Variants in FAM186A observed in about 807,000 individuals in gnomAD.
FAM186A encodes the protein protein FAM186A.
A neutral mutation model predicts 216.8 loss-of-function variants in FAM186A; 163 were observed. That is an observed-to-expected ratio of 0.75 (90% CI 0.66 to 0.86). The LOEUF (loss-of-function observed/expected upper bound fraction) is 0.86, where lower values mean the gene tolerates loss of function less well. FAM186A is among the 40% of genes least tolerant of loss of function. The pLI, the probability that FAM186A is intolerant of heterozygous loss-of-function variation, is 0.00. For synonymous variants in FAM186A, 805 were observed against 1,025.3 expected (o/e 0.79, Z 4.10); for missense variants, 2,184 against 2,746.2 (o/e 0.80, Z 4.58).
chr12:50,393,009 C>A (rs1006505727), intron 1 of FAM186A, among the ~76,000 whole-genome samples: 1 of 150,670 alleles, frequency 6.6e-6, no homozygotes, highest in African/African-American at 2.4e-5. Flanking sequence ...TCACTGCAAG[C>A]TCTGCCTCCC....
intron 7 of FAM186A, among the ~76,000 whole-genome samples, chr12:50,328,253 TC>T (rs1182705587): frequency 1.3e-5 from 2 of 152,180 alleles, no homozygotes; most frequent in African/African-American, 2.4e-5. Context: ...GTGCCTGTAA[TC>T]CCAGCTACTT....
chr12:50,383,320 T>C (rs957344791), intron 1 of FAM186A, among the ~76,000 whole-genome samples: 17 of 123,488 alleles, frequency 1.4e-4, no homozygotes, highest in South Asian at 3.0e-4. Flanking sequence ...CTGGAAGCGG[T>C]GGCTCACGCC....
At chr12:50,330,811 C>A in intron 6 of FAM186A, 53 bp from the exon 7 acceptor site, 2 of 1,426,714 alleles carry the variant, frequency 1.4e-6, no homozygotes, top group Non-Finnish European at 1.9e-6. Context: ...CTCCATAGCC[C>A]ATCAAAATAT....
chr12:50,385,383 A>C, intron 1 of FAM186A, among the ~76,000 whole-genome samples: 1 of 145,802 alleles, frequency 6.9e-6, no homozygotes, highest in African/African-American at 2.5e-5. Context: ...ACGCCATAGC[A>C]CTCCAGCCTG....
intron 4 of FAM186A, among the ~76,000 whole-genome samples, chr12:50,340,927 G>A (rs1942757118): frequency 6.6e-6 from 1 of 151,694 alleles, no homozygotes; most frequent in Admixed American, 6.6e-5. Flanking sequence ...CTCCCAAGTA[G>A]CCAGCATTAC....
chr12:50,355,305 A>AAAGG lies in FAM186A; in HGVS notation c.1523_1526dup (p.Ser510LeufsTer3), dbSNP rs1286260723. On this transcript the variant is annotated frameshift_variant, in exon 4 of 8. Coordinates refer to ENST00000327337, the MANE Select transcript of FAM186A (RefSeq NM_001145475.3). LOFTEE classifies it high-confidence loss of function. ...TGGGTGACTTTGATTTATCTTCAGA[A>AAAGG]AAGGATTTCATTTCTTTTCTTTTCT... 6.4e-7 allele frequency: 1 copy of AAAGG among 1,550,694 alleles called. No individual in the cohort carries two copies. Among genetic ancestry groups the AAAGG allele is most frequent in the Non-Finnish European group, 8.7e-7 (1 of 1,146,846 alleles).
intron 1 of FAM186A, 23 bp from the exon 2 acceptor site, chr12:50,363,387 T>A (rs1943056295): frequency 6.6e-7 from 1 of 1,517,148 alleles, no homozygotes; most frequent in African/African-American, 1.4e-5. Flanking sequence ...GAAGGGGGCA[T>A]GTATTAATCT....
chr12:50,383,335 ACCTGTAATC>A (rs1320094383), intron 1 of FAM186A, among the ~76,000 whole-genome samples: 1 of 145,558 alleles, frequency 6.9e-6, no homozygotes, highest in African/African-American at 2.5e-5. Context: ...CACGCCTATA[ACCTGTAATC>A]CCAGCACTTT....
chr12:50,339,894 G>A (rs1242523335), intron 4 of FAM186A, among the ~76,000 whole-genome samples: 2 of 151,986 alleles, frequency 1.3e-5, no homozygotes, highest in African/African-American at 2.4e-5. Context: ...CTGGAGTGCA[G>A]TGGCGCAATC....
At chr12:50,337,283 A>T (rs1380291601) in intron 4 of FAM186A, among the ~76,000 whole-genome samples, 3 of 137,554 alleles carry the variant, frequency 2.2e-5, no homozygotes, top group Non-Finnish European at 3.1e-5. Context: ...AGTTTTAGAG[A>T]TAATTCTTTT....
chr12:50,350,148 A>G (rs950369833), intron 4 of FAM186A, among the ~76,000 whole-genome samples, 181 bp downstream of exon 4: 1 of 152,078 alleles, frequency 6.6e-6, no homozygotes, highest in Non-Finnish European at 1.5e-5. Flanking sequence ...GTCATTTCTT[A>G]TTTTCCAAAA....
rs1942945284 is a variant in FAM186A, at chr12:50,354,143, T to C, written c.2689A>G (p.Thr897Ala). Residue 897 changes from threonine (T) to alanine (A), a missense_variant, in exon 4 of 8, where the codon ACT (threonine) becomes GCT (alanine). Coordinates refer to ENST00000327337, the MANE Select transcript of FAM186A (RefSeq NM_001145475.3). The stretch of plus-strand genomic sequence containing the variant: ...TCCTCTTGCTCAGCCTGCTTTGGAG[T>C]TGCCTGTTTTTGCTCTTCCTTCCAC... ...EMWKEEQKQA[T>A]PKQAEQEEKQ... 2 of 1,551,696 alleles carry C rather than the reference T, an allele frequency of 1.3e-6. No homozygotes were observed. Among genetic ancestry groups the C allele is most frequent in the Admixed American group, 2.0e-5 (1 of 50,980 alleles).
chr12:50,344,797 T>A (rs937966521), intron 4 of FAM186A, among the ~76,000 whole-genome samples: 1 of 151,936 alleles, frequency 6.6e-6, no homozygotes, highest in Admixed American at 6.6e-5. Flanking sequence ...TAAGACCCTA[T>A]CCCTACAAAA....
intron 1 of FAM186A, among the ~76,000 whole-genome samples, chr12:50,379,763 G>C (rs1943237549): frequency 6.6e-6 from 1 of 151,566 alleles, no homozygotes; most frequent in Non-Finnish European, 1.5e-5. Context: ...TCCAGCCTGG[G>C]CAACAAGAGC....
chr12:50,328,492 T>A (rs1268947173), intron 7 of FAM186A, among the ~76,000 whole-genome samples: 1 of 152,030 alleles, frequency 6.6e-6, no homozygotes, highest in Non-Finnish European at 1.5e-5. Context: ...ATGAAACATA[T>A]AGTAGGTTTT....
intron 1 of FAM186A, among the ~76,000 whole-genome samples, chr12:50,392,083 A>G (rs1943361833): frequency 1.3e-5 from 2 of 151,580 alleles, no homozygotes; most frequent in Admixed American, 1.3e-4. Context: ...CTTATATAAA[A>G]TCTAAAATAT....
intron 1 of FAM186A, among the ~76,000 whole-genome samples, chr12:50,376,437 G>A (rs919258442): frequency 1.3e-5 from 2 of 152,184 alleles, no homozygotes; most frequent in African/African-American, 4.8e-5. Context: ...AAGGGTAGAG[G>A]AGACTTGAAG....
rs71083539 is a variant in FAM186A, at chr12:50,347,678, C to CA, written c.6503+2650dup. Among the ~76,000 whole-genome samples, 294 of 145,326 alleles carry CA rather than the reference C, an allele frequency of 2.0e-3. 2 individuals carry two copies. Among genetic ancestry groups the CA allele is most frequent in the African/African-American group, 6.1e-3 (240 of 39,350 alleles). On this transcript the variant is annotated intron_variant, in intron 4 of 7. Transcript: ENST00000327337. Reference sequence around the variant, plus strand: ...GAGGCAAAAGAGGGAGACTCCATCTCAAAAAAAAAAAAAATTCCCCGAAAT... The same window carrying CA: ...GAGGCAAAAGAGGGAGACTCCATCTCAAAAAAAAAAAAAAATTCCCCGAAAT...
At chr12:50,380,442 G>A (rs1472634434) in intron 1 of FAM186A, among the ~76,000 whole-genome samples, 3 of 148,878 alleles carry the variant, frequency 2.0e-5, no homozygotes, top group East Asian at 2.0e-4. Flanking sequence ...TTGGGAGACT[G>A]AGGCTGGTGG....
Sources: allele counts gnomAD v4.1 joint callset (sites outside exome capture counted in the v4.1 genomes callset), GRCh38; gene constraint gnomAD v4.1.1; transcripts MANE v1.5; gene names NCBI Gene and HGNC (gene_info 2026-07-23, HGNC 2026-07-21).